Variants in PRDM5 observed in about 807,000 individuals in gnomAD.
PRDM5 encodes PR/SET domain 5.
PRDM5 carries 56 observed loss-of-function variants against 81.2 expected under a neutral mutation model. The observed-to-expected ratio is 0.69, with a 90% CI of 0.56 to 0.86. The LOEUF (loss-of-function observed/expected upper bound fraction) is 0.86. Among genes scored for constraint, PRDM5 ranks in the 40% least tolerant of loss-of-function variants. The pLI, the probability that PRDM5 is intolerant of heterozygous loss-of-function variation, is 0.00. For synonymous variants in PRDM5, 267 were observed against 256.4 expected (o/e 1.04, Z -0.39); for missense variants, 697 against 770.1 (o/e 0.91, Z 1.12).
At chr4:120,732,666 C>T (rs960705191) in intron 14 of PRDM5, among the ~76,000 whole-genome samples, 2 of 152,108 alleles carry the variant, frequency 1.3e-5, no homozygotes, top group Non-Finnish European at 2.9e-5. Context: ...ACTATAAAAA[C>T]TAAAAAATGG....
intron 12 of PRDM5, among the ~76,000 whole-genome samples, chr4:120,779,764 G>A (rs186737703): frequency 4.9e-4 from 75 of 152,088 alleles, no homozygotes; most frequent in African/African-American, 1.7e-3. Context: ...TTAGCCAGGC[G>A]TGGTAGCAGG....
In PRDM5 at chr4:120,692,448, C is replaced by A. The variant is rs1734117743; in HGVS notation, c.*2663G>T. 6.6e-6 allele frequency: 1 copy of A among 152,000 alleles called. No homozygotes were observed. The highest frequency in any genetic ancestry group is 1.5e-5 in the Non-Finnish European group (1 of 67,970). 9.4% of individuals were successfully genotyped at this position (152,000 alleles called of 1,614,324 possible). Reference sequence around the variant, plus strand: ...CAAGAATTTATCACCAAGAATACTTCCATGGTGCAACTGCTGATTATAATT... The same window carrying A: ...CAAGAATTTATCACCAAGAATACTTACATGGTGCAACTGCTGATTATAATT... On this transcript the variant is annotated 3_prime_UTR_variant, in exon 16 of 16. Coordinates refer to ENST00000264808, the MANE Select transcript of PRDM5 (RefSeq NM_018699.4).
intron 3 of PRDM5, among the ~76,000 whole-genome samples, chr4:120,833,764 C>T (rs1561428047): frequency 6.6e-6 from 1 of 152,074 alleles, no homozygotes. Flanking sequence ...CAGTTTCAGG[C>T]ATTCACGGGG....
At chr4:120,716,472 A>C (rs115190171) in intron 14 of PRDM5, among the ~76,000 whole-genome samples, 1 of 152,282 alleles carries the variant, frequency 6.6e-6, no homozygotes, top group African/African-American at 2.4e-5. Context: ...AGAGAAGCAC[A>C]TGAAGGCCCC....
intron 14 of PRDM5, among the ~76,000 whole-genome samples, chr4:120,726,099 G>A (rs1035588488): frequency 1.3e-5 from 2 of 152,298 alleles, no homozygotes; most frequent in African/African-American, 2.4e-5. Context: ...TTGGGCTAGG[G>A]AGGGAGAAGG....
intron 3 of PRDM5, among the ~76,000 whole-genome samples, chr4:120,824,621 T>G (rs1327109467): frequency 3.9e-5 from 6 of 152,230 alleles, no homozygotes; most frequent in African/African-American, 7.2e-5. Context: ...GTTTTGAATT[T>G]TTTGTCTTTT....
chr4:120,895,731 G>C (rs1271820934), intron 2 of PRDM5: 1 of 152,208 alleles, frequency 6.6e-6, no homozygotes, highest in African/African-American at 2.4e-5. Context: ...CTATAGCCCA[G>C]GCTGGCACCA....
chr4:120,817,305 A>G (rs113865095), intron 5 of PRDM5, among the ~76,000 whole-genome samples: 5 of 152,338 alleles, frequency 3.3e-5, no homozygotes, highest in African/African-American at 1.2e-4. Flanking sequence ...CAATTTTTAT[A>G]AGCAAAAGTT....
chr4:120,765,594 C>T (rs776594736), intron 13 of PRDM5, among the ~76,000 whole-genome samples: 2 of 152,228 alleles, frequency 1.3e-5, no homozygotes, highest in African/African-American at 2.4e-5. Context: ...CAGAGCTGCC[C>T]GCCAGGCACA....
At chr4:120,860,614 GA>G (rs75829066) in intron 2 of PRDM5, among the ~76,000 whole-genome samples, 225 of 140,006 alleles carry the variant, frequency 1.6e-3, no homozygotes, top group Middle Eastern at 3.6e-3. Flanking sequence ...TCCCTTCTTG[GA>G]AAAAAAAAAA....
intron 2 of PRDM5, among the ~76,000 whole-genome samples, chr4:120,870,632 G>A (rs1158233312): frequency 6.6e-6 from 1 of 152,198 alleles, no homozygotes; most frequent in African/African-American, 2.4e-5. Flanking sequence ...CAAGAGGAAA[G>A]GCACATGTGT....
rs115491859 is a variant in PRDM5, at chr4:120,910,942, C to T, written c.94-3385G>A. 5.0e-3 allele frequency among the ~76,000 whole-genome samples: 754 copies of T among 152,224 alleles called. 6 individuals are homozygous for T. Among genetic ancestry groups the T allele is most frequent in the African/African-American group, 0.017 (723 of 41,532 alleles). On this transcript the variant is annotated intron_variant, in intron 1 of 15. Coordinates refer to ENST00000264808, the MANE Select transcript of PRDM5 (RefSeq NM_018699.4). Reference sequence around the variant, plus strand: ...CACACTAGCAGATAGGAAAACTGTCCGCTCTTCCATTTTCTTGCTGTCCAT... The same window carrying T: ...CACACTAGCAGATAGGAAAACTGTCTGCTCTTCCATTTTCTTGCTGTCCAT...
chr4:120,801,463 C>T (rs1752109278), intron 8 of PRDM5, among the ~76,000 whole-genome samples: 1 of 152,216 alleles, frequency 6.6e-6, no homozygotes, highest in African/African-American at 2.4e-5. Flanking sequence ...TGCCAACCAG[C>T]CTCTGCTTCT....
chr4:120,859,959 G>A (rs890635137), intron 2 of PRDM5, among the ~76,000 whole-genome samples: 1 of 152,162 alleles, frequency 6.6e-6, no homozygotes, highest in Non-Finnish European at 1.5e-5. Flanking sequence ...AATCCAGCCT[G>A]GAAAGGACGA....
Position 120,833,500 on chromosome 4 carries a change from C to T in PRDM5, c.301-12155G>A, listed in dbSNP as rs574867762. Among the ~76,000 whole-genome samples, 37 of 152,054 alleles carry T rather than the reference C, an allele frequency of 2.4e-4. 1 individual carries two copies. The highest frequency in any genetic ancestry group is 5.8e-4 in the East Asian group (3 of 5,176). On this transcript the variant is annotated intron_variant, in intron 3 of 15. Transcript: ENST00000264808. ...TCCTTTAATTGAAAAGGTGAAAGTTCTTGACCTAATTAGGAAAGAAAAAAA... is the reference window on the plus strand; with the variant it reads ...TCCTTTAATTGAAAAGGTGAAAGTTTTTGACCTAATTAGGAAAGAAAAAAA...
intron 7 of PRDM5, among the ~76,000 whole-genome samples, chr4:120,814,916 T>C (rs1215865126): frequency 6.6e-6 from 1 of 152,198 alleles, no homozygotes; most frequent in African/African-American, 2.4e-5. Context: ...AGATTTCCTT[T>C]TATGAATTAT....
chr4:120,899,448 G>A (rs1765006080), intron 2 of PRDM5, among the ~76,000 whole-genome samples: 1 of 152,186 alleles, frequency 6.6e-6, no homozygotes, highest in Non-Finnish European at 1.5e-5. Flanking sequence ...CACACTTCAA[G>A]ATTTCAGAAG....
chr4:120,730,754 T>C (rs1241942955), intron 14 of PRDM5, among the ~76,000 whole-genome samples: 2 of 151,948 alleles, frequency 1.3e-5, no homozygotes, highest in Non-Finnish European at 1.5e-5. Flanking sequence ...GATAATACAG[T>C]GGTGGTGAAG....
chr4:120,815,324 T>C (rs1449480275), intron 7 of PRDM5, among the ~76,000 whole-genome samples: 2 of 152,160 alleles, frequency 1.3e-5, no homozygotes, highest in Non-Finnish European at 2.9e-5. Context: ...TGTGTATTCT[T>C]CAAAAGGAAA....
Sources: gnomAD v4.1 joint callset for allele counts (sites outside exome capture counted in the v4.1 genomes callset) on GRCh38, gnomAD v4.1.1 for gene constraint, MANE v1.5 for transcripts, NCBI Gene and HGNC (gene_info 2026-07-23, HGNC 2026-07-21) for gene names.